The following STAB2 variants were observed in gnomAD, a reference collection of about 807,000 sequenced individuals.
STAB2 encodes the protein stabilin-2.
Under a neutral mutation model 338.1 loss-of-function variants are expected in STAB2, and 288 were observed. That is an observed-to-expected ratio of 0.85 (90% CI 0.77 to 0.94). STAB2 has a LOEUF of 0.94. STAB2 is among the 40% of genes least tolerant of loss of function. The pLI is 0.00. For missense variants in STAB2, 3,141 were observed against 3,210.1 expected, an observed-to-expected ratio of 0.98 and a Z score of 0.52; for synonymous variants, 1,202 against 1,193.3, an observed-to-expected ratio of 1.01 and a Z score of -0.15.
At position 103,755,720 on chromosome 12, in the gene STAB2, T is replaced by C. The variant is rs1361559328; in HGVS notation, c.6987+2T>C. ...CCCTCACTCACAAACTTCCTGACGG[T>C]ATGTACCATGTCTGCTTGGTTTGCC... On this transcript the variant is annotated splice_donor_variant, in intron 63 of 68. Coordinates refer to ENST00000388887, the MANE Select transcript of STAB2 (RefSeq NM_017564.10). LOFTEE classifies it high-confidence loss of function. The C allele has an allele frequency of 6.2e-7, 1 of 1,614,068 alleles. No individual in the cohort carries two copies. Among genetic ancestry groups the C allele is most frequent in the South Asian group, 1.1e-5 (1 of 91,088 alleles).
chr12:103,622,022 C>T lies in STAB2; in HGVS notation c.418-20C>T, dbSNP rs1214500791. ...TGGGTCACCTTGGGTCTAATGTCAA[C>T]CACCTGGGGTGTTTTGCAGGAAGGG... On this transcript the variant is annotated intron_variant, in intron 4 of 68. Transcript: ENST00000388887. 6.2e-7 allele frequency: 1 copy of T among 1,613,962 alleles called. No individual in the cohort carries two copies. Among genetic ancestry groups the T allele is most frequent in the East Asian group, 2.2e-5 (1 of 44,886 alleles).
At chr12:103,762,466 G>C (rs1884609467) in intron 67 of STAB2, 64 bp downstream of exon 67, 1 of 1,609,050 alleles carries the variant, frequency 6.2e-7, no homozygotes, top group Non-Finnish European at 8.5e-7. Flanking sequence ...CCTGGACCTG[G>C]GCTGCTTCAG....
intron 9 of STAB2, among the ~76,000 whole-genome samples, chr12:103,646,007 A>G (rs909045118): frequency 2.6e-5 from 4 of 152,208 alleles, no homozygotes; most frequent in African/African-American, 9.6e-5. Context: ...TAGGCAGCCG[A>G]GCACGGTGGC....
chr12:103,637,169 T>C lies in STAB2; in HGVS notation c.642T>C (p.Thr214=), dbSNP rs925810003. 12 of 1,612,948 alleles carry C rather than the reference T, an allele frequency of 7.4e-6. No homozygotes were observed. Among genetic ancestry groups the C allele is most frequent in the Non-Finnish European group, 1.0e-5 (12 of 1,179,686 alleles). Residue 214 remains threonine (T), a synonymous_variant, in exon 7 of 69, where the codon ACT becomes ACC. Coordinates refer to ENST00000388887, the MANE Select transcript of STAB2 (RefSeq NM_017564.10). ...CPENSRCSPS[T]EDENKLECKC... ...AAAATTCCAGATGTTCGCCTTCCAC[T>C]GAAGATGAAAACAAACTGGAATGCA...
At chr12:103,754,435 T>G (rs1422840407) in intron 61 of STAB2, among the ~76,000 whole-genome samples, 2 of 152,084 alleles carry the variant, frequency 1.3e-5, no homozygotes, top group African/African-American at 4.8e-5. Context: ...TTCTCAATTG[T>G]ATAAGGATTT....
intron 31 of STAB2, among the ~76,000 whole-genome samples, 174 bp downstream of exon 31, chr12:103,693,063 G>A (rs1878095582): frequency 6.6e-6 from 1 of 152,054 alleles, no homozygotes; most frequent in Non-Finnish European, 1.5e-5. Context: ...TTGATTCAAT[G>A]AGACTCAGTT....
At chr12:103,660,245 G>C in intron 15 of STAB2, 86 bp from the exon 16 acceptor site, 1 of 1,390,890 alleles carries the variant, frequency 7.2e-7, no homozygotes, top group South Asian at 1.2e-5. Context: ...TTTCTTGATT[G>C]TCTAACGTCA....
chr12:103,588,853 GC>G (rs1418923136), intron 1 of STAB2, among the ~76,000 whole-genome samples: 11 of 152,180 alleles, frequency 7.2e-5, no homozygotes, highest in African/African-American at 1.9e-4. Context: ...TCTAAGTGTA[GC>G]TTTTGTTATT....
chr12:103,684,322 G>A (rs950985800), intron 26 of STAB2, among the ~76,000 whole-genome samples: 28 of 152,298 alleles, frequency 1.8e-4, no homozygotes, highest in African/African-American at 6.3e-4. Flanking sequence ...GCCAAGAAGT[G>A]GGGTTGTTAT....
rs1423405825 is a variant in STAB2, at chr12:103,651,713, A to G, written c.1258-843A>G. Among the ~76,000 whole-genome samples the G allele has an allele frequency of 2.0e-5, 3 of 152,360 alleles. No homozygotes were observed. The East Asian group carries it at 5.8e-4, about 29-fold the overall frequency. On this transcript the variant is annotated intron_variant, in intron 11 of 68. Coordinates refer to ENST00000388887, the MANE Select transcript of STAB2 (RefSeq NM_017564.10). The stretch of plus-strand genomic sequence containing the variant: ...AACATTTAAGTAAATGGATTAACAA[A>G]TACACATAAAATGATGGAAGCCAAT...
chr12:103,656,763 T>C (rs1284818485), intron 15 of STAB2, among the ~76,000 whole-genome samples: 3 of 147,794 alleles, frequency 2.0e-5, no homozygotes, highest in East Asian at 2.0e-4. Flanking sequence ...CTCGGCTCAC[T>C]GCAAGCTCCG....
chr12:103,717,744 C>T (rs768343789), intron 43 of STAB2, 26 bp from the exon 44 acceptor site: 2 of 1,613,046 alleles, frequency 1.2e-6, no homozygotes, highest in Non-Finnish European at 1.7e-6. Context: ...TGCAAAATGA[C>T]CCCATGTGCT....
intron 28 of STAB2, among the ~76,000 whole-genome samples, chr12:103,688,975 T>C (rs952699368): frequency 6.6e-6 from 1 of 151,608 alleles, no homozygotes; most frequent in African/African-American, 2.4e-5. Flanking sequence ...ATTTACGCCA[T>C]AGAAATCAGT....
At chr12:103,748,352 C>T (rs1296375538) in intron 58 of STAB2, among the ~76,000 whole-genome samples, 4 of 152,050 alleles carry the variant, frequency 2.6e-5, no homozygotes, top group African/African-American at 7.2e-5. Flanking sequence ...GCTAATCTAT[C>T]GTTGGGTCGA....
intron 44 of STAB2, among the ~76,000 whole-genome samples, chr12:103,719,296 G>A (rs768472171): frequency 4.6e-5 from 7 of 152,076 alleles, no homozygotes; most frequent in South Asian, 2.1e-4. Context: ...TCATTCTTTC[G>A]TTTAATTTCT....
rs73189898 is a variant in STAB2 at position 103,725,611 on chromosome 12, T to C, written c.4804-505T>C. ...GTGTGTGCATGTGTGTACGTGTGTG[T>C]GCTTGTGTGTGCATGCAGGTGCATA... On this transcript the variant is annotated intron_variant, in intron 45 of 68. Transcript: ENST00000388887. Among the ~76,000 whole-genome samples, 18 of 152,200 alleles carry C rather than the reference T, an allele frequency of 1.2e-4. No individual in the cohort carries two copies. In the South Asian group the frequency reaches 2.3e-3, roughly 19 times the overall value.
At chr12:103,700,499 G>T (rs1486290348) in intron 34 of STAB2, among the ~76,000 whole-genome samples, 3 of 152,180 alleles carry the variant, frequency 2.0e-5, no homozygotes, top group Non-Finnish European at 1.5e-5. Context: ...ATTGATTAAA[G>T]AATAATCTAA....
chr12:103,696,683 G>A (rs1566023437), intron 33 of STAB2, among the ~76,000 whole-genome samples: 3 of 152,184 alleles, frequency 2.0e-5, no homozygotes, highest in East Asian at 1.9e-4. Flanking sequence ...GAGAAGAGGA[G>A]GAAGAAAGAG....
At chr12:103,725,185 A>T in intron 45 of STAB2, 91 bp downstream of exon 45, 1 of 1,536,338 alleles carries the variant, frequency 6.5e-7, no homozygotes, top group Non-Finnish European at 8.8e-7. Flanking sequence ...GAGCTTGGTG[A>T]AATGTAAAGC....
Sources: gnomAD v4.1 joint callset for allele counts (sites outside exome capture counted in the v4.1 genomes callset) on GRCh38, gnomAD v4.1.1 for gene constraint, MANE v1.5 for transcripts, NCBI Gene and HGNC (gene_info 2026-07-23, HGNC 2026-07-21) for gene names.